NHS: variants seen among roughly 807,000 people sequenced by gnomAD.
The protein encoded by NHS is NHS actin remodeling regulator.
Under a neutral mutation model 72.5 loss-of-function variants are expected in NHS, and 5 were observed. The observed-to-expected ratio is 0.07, with a 90% confidence interval of 0.04 to 0.14. The LOEUF (loss-of-function observed/expected upper bound fraction) is 0.14, where lower values mean the gene tolerates loss of function less well. Among genes scored for constraint, NHS ranks in the 10% least tolerant of loss-of-function variants. The pLI is 1.00. For missense variants in NHS, 1,072 were observed against 1,355.7 expected (o/e 0.79, Z 3.29); for synonymous variants, 464 against 547.7 (o/e 0.85, Z 2.13).
At chrX:17,400,771 C>T (rs989391848) in intron 1 of NHS, among the ~76,000 whole-genome samples, 9 of 111,650 alleles carry the variant, frequency 8.1e-5, no homozygotes, top group Non-Finnish European at 1.5e-4. Flanking sequence ...CTTGCGTTCG[C>T]GGATCAGAAG....
intron 1 of NHS, among the ~76,000 whole-genome samples, chrX:17,567,309 G>A (rs924056967): frequency 1.8e-5 from 2 of 111,643 alleles, no homozygotes; most frequent in Middle Eastern, 4.6e-3. Flanking sequence ...GAATTCCTCT[G>A]CAGTCACTCT....
At position 17,389,813 on chromosome X, in the gene NHS, G is replaced by T. The variant is rs747596709; in HGVS notation, c.565+13491G>T. ...GATGGGGTTTTGCCATGTTGGCCAG[G>T]CTGGTCTCGAACTCCTGACCTCAAG... On this transcript the variant is annotated intron_variant, in intron 1 of 8. Transcript: ENST00000676302. Among the ~76,000 whole-genome samples the T allele has an allele frequency of 4.5e-5, 5 of 110,377 alleles. No homozygotes were observed. The East Asian group carries it at 1.1e-3, about 25-fold the overall frequency.
intron 6 of NHS, 113 bp from the exon 7 acceptor site, chrX:17,725,234 G>GAAA: frequency 7.1e-6 from 4 of 561,442 alleles, no homozygotes; most frequent in Non-Finnish European, 8.0e-6. Flanking sequence ...TTCTGTTAAA[G>GAAA]AAAAAAAAAA....
intron 1 of NHS, among the ~76,000 whole-genome samples, chrX:17,465,371 C>A (rs2064866619): frequency 9.0e-6 from 1 of 111,608 alleles, no homozygotes; most frequent in African/African-American, 3.3e-5. Flanking sequence ...ATTTAAATTT[C>A]TTTTCTGTGT....
chrX:17,630,421 CT>C (rs2065818847), intron 1 of NHS, among the ~76,000 whole-genome samples: 1 of 109,037 alleles, frequency 9.2e-6, no homozygotes, highest in African/African-American at 3.4e-5. Context: ...GTAGTGGATG[CT>C]GTTAGTGCCC....
chrX:17,376,462 T>G, intron 1 of NHS, 140 bp downstream of exon 1: 3 of 564,673 alleles, frequency 5.3e-6, no homozygotes, highest in Non-Finnish European at 8.7e-6. Flanking sequence ...TTCCCACCCT[T>G]CCCATCCCCT....
At chrX:17,671,183 G>A (rs1469639743) in intron 1 of NHS, among the ~76,000 whole-genome samples, 1 of 112,555 alleles carries the variant, frequency 8.9e-6, no homozygotes, top group African/African-American at 3.2e-5. Context: ...GCAAGTCTTG[G>A]CAAGGGGTGT....
At chrX:17,719,464 C>T in intron 4 of NHS, 58 bp downstream of exon 4, 1 of 868,784 alleles carries the variant, frequency 1.2e-6, no homozygotes, top group Non-Finnish European at 1.6e-6. Context: ...AGACACTCTT[C>T]CTTTTTTCCC....
chrX:17,551,821 C>G (rs1014719244), intron 1 of NHS, among the ~76,000 whole-genome samples: 8 of 111,969 alleles, frequency 7.1e-5, no homozygotes, highest in African/African-American at 2.3e-4. Flanking sequence ...GCCTGCCACA[C>G]TGCAGCTGTG....
intron 1 of NHS, among the ~76,000 whole-genome samples, chrX:17,672,752 T>C (rs1282125687): frequency 8.9e-6 from 1 of 112,753 alleles, no homozygotes; most frequent in African/African-American, 3.2e-5. Flanking sequence ...TGCTTATCAC[T>C]ACCAATGACA....
intron 1 of NHS, among the ~76,000 whole-genome samples, chrX:17,650,067 A>G (rs1349556842): frequency 8.9e-6 from 1 of 112,332 alleles, no homozygotes; most frequent in Non-Finnish European, 1.9e-5. Flanking sequence ...GTCAAAGAGA[A>G]TAAAGCAGGA....
intron 1 of NHS, among the ~76,000 whole-genome samples, chrX:17,530,291 C>T (rs1168007678): frequency 3.6e-5 from 4 of 111,348 alleles, no homozygotes; most frequent in South Asian, 3.8e-4. Flanking sequence ...TCAGCCCTGC[C>T]GAGAGAGACG....
At chrX:17,663,250 T>G in intron 1 of NHS, among the ~76,000 whole-genome samples, 1 of 111,783 alleles carries the variant, frequency 8.9e-6, no homozygotes, top group South Asian at 3.7e-4. Context: ...GAGATGTAAT[T>G]TACATACAGT....
intron 3 of NHS, among the ~76,000 whole-genome samples, chrX:17,698,401 A>C (rs1181791730): frequency 1.8e-5 from 2 of 112,221 alleles, no homozygotes; most frequent in South Asian, 7.4e-4. Flanking sequence ...TGGCGTCATT[A>C]GAATTGGTAA....
Position 17,728,923 on chromosome X carries a change from C to T in NHS, c.4349+148C>T, listed in dbSNP as rs191242812. ...CAAAAGCAAGCAAAGAATAATTTTT[C>T]CAAATCAAGTTGATAGACTGATATG... On this transcript the variant is annotated intron_variant, in intron 8 of 8. Transcript: ENST00000676302. The T allele has an allele frequency of 2.5e-5, 20 of 794,710 alleles. No individual in the cohort carries two copies. The Admixed American group carries it at 5.4e-4, about 21-fold the overall frequency. 65.5% of individuals were successfully genotyped at this position (794,710 alleles called of 1,213,427 possible).
intron 1 of NHS, among the ~76,000 whole-genome samples, chrX:17,526,357 G>A (rs756047566): frequency 2.7e-5 from 3 of 112,412 alleles, no homozygotes; most frequent in Non-Finnish European, 5.6e-5. Context: ...CATCTGGGAT[G>A]TTCCCCCTGG....
intron 1 of NHS, among the ~76,000 whole-genome samples, chrX:17,430,259 T>TTTTCTTTCTTTCTTTCTTTC (rs56175001): frequency 1.9e-4 from 10 of 51,569 alleles, no homozygotes; most frequent in East Asian, 6.9e-4. Flanking sequence ...CCCTCTTTCT[T>TTTTCTTTCTTTCTTTCTTTC]TTTCTTTCTT....
At chrX:17,379,520 A>T (rs2064364565) in intron 1 of NHS, among the ~76,000 whole-genome samples, 1 of 112,421 alleles carries the variant, frequency 8.9e-6, no homozygotes, top group Non-Finnish European at 1.9e-5. Flanking sequence ...CACGCCTGTA[A>T]TCCCAGCACT....
rs138560274 is a variant in NHS, at chrX:17,513,705, A to T, written c.565+137383A>T. Among the ~76,000 whole-genome samples the T allele has an allele frequency of 5.8e-3, 648 of 112,113 alleles. 3 individuals are homozygous for T. The highest frequency in any genetic ancestry group is 0.02 in the African/African-American group (602 of 30,860). On this transcript the variant is annotated intron_variant, in intron 1 of 8. Coordinates refer to ENST00000676302, the MANE Select transcript of NHS (RefSeq NM_001291867.2). ...GGGTCTCAACTGGGGCCAGTTGTGC[A>T]CCACAAGGGGACATTTGACAATGTC... is the stretch of plus-strand genomic sequence containing the variant.
Sources: gnomAD v4.1 joint callset for allele counts (sites outside exome capture counted in the v4.1 genomes callset) on GRCh38, gnomAD v4.1.1 for gene constraint, MANE v1.5 for transcripts, NCBI Gene and HGNC (gene_info 2026-07-23, HGNC 2026-07-21) for gene names.